The following CHD6 variants were observed in gnomAD, a reference collection of about 807,000 sequenced individuals.
The protein encoded by CHD6 is ATP-dependent chromatin remodeler CHD6.
In CHD6, 50 loss-of-function variants were observed where a neutral mutation model predicts 276.9. The ratio of observed to expected loss-of-function variants is 0.18; its 90% CI spans 0.14 to 0.23. The LOEUF (loss-of-function observed/expected upper bound fraction) is 0.23. Among genes scored for constraint, CHD6 ranks in the 10% least tolerant of loss-of-function variants. CHD6 has a pLI of 1.00. For synonymous variants in CHD6, 1,173 were observed against 1,229.3 expected (o/e 0.95, Z 0.96); for missense variants, 2,564 against 3,365.8 (o/e 0.76, Z 5.89).
intron 3 of CHD6, among the ~76,000 whole-genome samples, chr20:41,531,433 A>G (rs2044682385): frequency 6.6e-6 from 1 of 152,196 alleles, no homozygotes; most frequent in South Asian, 2.1e-4. Context: ...CAGTTCCTCC[A>G]AAGTAATCTG....
intron 17 of CHD6, among the ~76,000 whole-genome samples, chr20:41,469,464 T>A (rs985524786): frequency 4.6e-5 from 7 of 152,178 alleles, no homozygotes; most frequent in African/African-American, 1.7e-4. Flanking sequence ...GAGGTCTGCC[T>A]TTGCCTTCAG....
At chr20:41,548,181 C>T (rs2045079343) in intron 2 of CHD6, among the ~76,000 whole-genome samples, 2 of 152,150 alleles carry the variant, frequency 1.3e-5, no homozygotes, top group Non-Finnish European at 2.9e-5. Flanking sequence ...TCAGTATGGC[C>T]TACCATCAGT....
chr20:41,506,382 T>C (rs754671788), intron 5 of CHD6, among the ~76,000 whole-genome samples: 17 of 152,092 alleles, frequency 1.1e-4, no homozygotes, highest in Non-Finnish European at 2.1e-4. Context: ...CCATTCTTCA[T>C]GCATACCAAG....
chr20:41,440,470 T>C (rs2047866659), intron 25 of CHD6, among the ~76,000 whole-genome samples: 1 of 152,218 alleles, frequency 6.6e-6, no homozygotes, highest in African/African-American at 2.4e-5. Context: ...GTTATATCCT[T>C]TATGGGCCTT....
chr20:41,407,801 T>A (rs1384150730), intron 36 of CHD6, among the ~76,000 whole-genome samples: 1 of 152,082 alleles, frequency 6.6e-6, no homozygotes, highest in African/African-American at 2.4e-5. Flanking sequence ...AAGGCGGTGC[T>A]GATAAGAGGA....
chr20:41,580,385 T>C (rs1313563383), intron 1 of CHD6, among the ~76,000 whole-genome samples: 1 of 152,120 alleles, frequency 6.6e-6, no homozygotes, highest in Non-Finnish European at 1.5e-5. Context: ...TTTACACATC[T>C]CTTGATTGGC....
rs1438815942 is a variant in CHD6, at chr20:41,457,365, G to C, written c.2728C>G (p.Arg910Gly). 2 of 1,613,992 alleles carry C rather than the reference G, an allele frequency of 1.2e-6. No individual in the cohort carries two copies. Residue 910 changes from arginine (R) to glycine (G), a missense_variant, in exon 18 of 37, where the codon CGA becomes GGA. Coordinates refer to ENST00000373233, the MANE Select transcript of CHD6 (RefSeq NM_032221.5). ...AACATCTCGCGCTCGTAGGAATTTC[G>C]AGTGATGAGGCGATACACCTTCACA... The part of the protein sequence containing the change: ...KAVKVYRLIT[R>G]NSYEREMFDK...
chr20:41,443,222 G>A (rs915850274), intron 25 of CHD6, among the ~76,000 whole-genome samples: 5 of 152,174 alleles, frequency 3.3e-5, no homozygotes, highest in African/African-American at 7.2e-5. Context: ...CTGCTTCAAC[G>A]AGCAGAAGAA....
intron 20 of CHD6, among the ~76,000 whole-genome samples, chr20:41,453,272 G>T (rs1298145163): frequency 6.6e-6 from 1 of 152,202 alleles, no homozygotes; most frequent in African/African-American, 2.4e-5. Flanking sequence ...AGAAAGACTG[G>T]AGTAGTGAAG....
At chr20:41,596,679 T>A (rs939203798) in intron 1 of CHD6, among the ~76,000 whole-genome samples, 1 of 151,824 alleles carries the variant, frequency 6.6e-6, no homozygotes, top group Non-Finnish European at 1.5e-5. Context: ...CCCGAGCATT[T>A]AATATACAGC....
chr20:41,488,695 TGCTGGG>T, intron 12 of CHD6, 91 bp from the exon 13 acceptor site: 1 of 1,094,260 alleles, frequency 9.1e-7, no homozygotes, highest in Non-Finnish European at 1.3e-6. Context: ...GCACTACAGA[TGCTGGG>T]GCCTAGGTGA....
chr20:41,582,426 G>C (rs930381154), intron 1 of CHD6, among the ~76,000 whole-genome samples: 1 of 152,158 alleles, frequency 6.6e-6, no homozygotes, highest in Non-Finnish European at 1.5e-5. Context: ...AAATAGTAAA[G>C]TCATACTCCA....
intron 29 of CHD6, 66 bp downstream of exon 29, chr20:41,425,112 G>C: frequency 1.5e-6 from 2 of 1,299,300 alleles, no homozygotes; most frequent in Non-Finnish European, 2.2e-6. Context: ...CAAGCTACCG[G>C]CTTTACCTTT....
chr20:41,511,287 AAC>A (rs2145956969), intron 5 of CHD6, among the ~76,000 whole-genome samples: 2 of 152,348 alleles, frequency 1.3e-5, no homozygotes, highest in South Asian at 4.2e-4. Flanking sequence ...CCAAGTCAGC[AAC>A]AGTGACTCCA....
At chr20:41,412,076 A>G (rs946694437) in intron 36 of CHD6, 68 bp downstream of exon 36, 48 of 1,581,708 alleles carry the variant, frequency 3.0e-5, no homozygotes, top group African/African-American at 4.1e-5. Flanking sequence ...CTTTCTCTCA[A>G]GTATGTAAGG....
intron 1 of CHD6, among the ~76,000 whole-genome samples, chr20:41,554,308 A>T (rs1170357162): frequency 6.6e-6 from 1 of 152,264 alleles, no homozygotes; most frequent in East Asian, 1.9e-4. Context: ...AAAAACAAGC[A>T]GGGCACCTAA....
At chr20:41,405,528 G>T in intron 36 of CHD6, 39 bp from the exon 37 acceptor site, 1 of 1,491,272 alleles carries the variant, frequency 6.7e-7, no homozygotes, top group Non-Finnish European at 9.1e-7. Context: ...GAAGGCAACA[G>T]GATGGCAGGT....
chr20:41,457,600 C>T (rs565141608), intron 17 of CHD6, among the ~76,000 whole-genome samples, 172 bp from the exon 18 acceptor site: 124 of 152,314 alleles, frequency 8.1e-4, no homozygotes, highest in Non-Finnish European at 8.1e-4. Context: ...TGCCACCCTC[C>T]GTGGCCACTC....
At chr20:41,453,395 T>C (rs2145673449) in intron 20 of CHD6, among the ~76,000 whole-genome samples, 1 of 152,312 alleles carries the variant, frequency 6.6e-6, no homozygotes, top group East Asian at 1.9e-4. Flanking sequence ...ATTCCTGCTT[T>C]ATTTATCTGC....
Sources: allele counts gnomAD v4.1 joint callset (sites outside exome capture counted in the v4.1 genomes callset), GRCh38; gene constraint gnomAD v4.1.1; transcripts MANE v1.5; gene names NCBI Gene and HGNC (gene_info 2026-07-23, HGNC 2026-07-21).